The following TENM3 variants were observed in gnomAD, a reference collection of about 807,000 sequenced individuals.
TENM3 encodes teneurin-3.
TENM3 carries 63 observed loss-of-function variants against 255.1 expected under a neutral mutation model. The observed-to-expected ratio is 0.25, with a 90% CI of 0.20 to 0.30. TENM3 has a LOEUF of 0.30. Ranked by LOEUF, TENM3 falls within the 10% of genes least tolerant of loss-of-function variation. TENM3 has a pLI of 1.00. For synonymous variants in TENM3, 1,306 were observed against 1,322.3 expected (o/e 0.99, Z 0.27); for missense variants, 2,929 against 3,461.1 (o/e 0.85, Z 3.86).
the TENM3 span, among the ~76,000 whole-genome samples, chr4:182,112,272 A>G: frequency 6.6e-6 from 1 of 152,200 alleles, no homozygotes; most frequent in Non-Finnish European, 1.5e-5. Flanking sequence ...CCAACCCCAC[A>G]GATGAGCTGC....
chr4:181,893,988 G>A, the TENM3 span, among the ~76,000 whole-genome samples: 68 of 151,138 alleles, frequency 4.5e-4, no homozygotes, highest in Middle Eastern at 3.2e-3. Flanking sequence ...ATGTAGGAGG[G>A]AAAAAACAGG....
At chr4:181,471,648 G>A in the TENM3 span, among the ~76,000 whole-genome samples, 1 of 152,096 alleles carries the variant, frequency 6.6e-6, no homozygotes, top group Non-Finnish European at 1.5e-5. Context: ...ATAGGAAGAG[G>A]TACCCCATTG....
At chr4:182,767,526 C>T (rs547023293) in intron 22 of TENM3, among the ~76,000 whole-genome samples, 9 of 152,074 alleles carry the variant, frequency 5.9e-5, no homozygotes, top group Admixed American at 2.0e-4. Flanking sequence ...TTTGAGCCTA[C>T]GCAACTCTGT....
chr4:182,713,611 C>T (rs563695546), intron 12 of TENM3, among the ~76,000 whole-genome samples: 1 of 152,344 alleles, frequency 6.6e-6, no homozygotes, highest in East Asian at 1.9e-4. Context: ...TTCATATCCT[C>T]ATACCCACTT....
chr4:182,268,862 G>A (rs928304125), intron 1 of TENM3, among the ~76,000 whole-genome samples: 8 of 152,252 alleles, frequency 5.3e-5, no homozygotes, highest in Non-Finnish European at 8.8e-5. Context: ...GTAAACAGCA[G>A]CCCTCGGGGC....
chr4:181,643,894 C>T, the TENM3 span, among the ~76,000 whole-genome samples: 9 of 151,718 alleles, frequency 5.9e-5, no homozygotes, highest in East Asian at 1.9e-4. Flanking sequence ...CTGGCCAACA[C>T]GGTGAAACCT....
chr4:182,387,226 C>T (rs1039083587), intron 3 of TENM3, among the ~76,000 whole-genome samples: 1 of 152,184 alleles, frequency 6.6e-6, no homozygotes, highest in Non-Finnish European at 1.5e-5. Context: ...GGTTTGTAAA[C>T]ACACCAGTCA....
chr4:182,078,976 G>A, the TENM3 span, among the ~76,000 whole-genome samples: 35 of 152,178 alleles, frequency 2.3e-4, no homozygotes, highest in African/African-American at 8.2e-4. Flanking sequence ...TGGTCTTAAT[G>A]AATCTGAAGA....
At chr4:181,995,114 C>T in the TENM3 span, among the ~76,000 whole-genome samples, 2 of 151,930 alleles carry the variant, frequency 1.3e-5, no homozygotes, top group East Asian at 3.9e-4. Flanking sequence ...CACGGTGAAA[C>T]CCTGTCTCTA....
intron 3 of TENM3, among the ~76,000 whole-genome samples, chr4:182,507,146 A>AG (rs1736911951): frequency 1.6e-5 from 2 of 128,676 alleles, no homozygotes; most frequent in African/African-American, 5.3e-5. Context: ...GTTATCACTA[A>AG]GGAAAAAAAA....
At chr4:181,866,042 G>A in the TENM3 span, among the ~76,000 whole-genome samples, 1 of 152,088 alleles carries the variant, frequency 6.6e-6, no homozygotes, top group Non-Finnish European at 1.5e-5. Flanking sequence ...ATATTTGCAA[G>A]GGGTATGAAA....
Position 182,730,205 on chromosome 4 carries a change from C to T in TENM3, c.2591C>T (p.Ala864Val). The change falls in exon 15 of 28, where the codon GCA (alanine) becomes GTA (valine). Residue 864 changes from alanine to valine, a missense_variant. Transcript: ENST00000511685. ...TTCTTCTGCTTTTCCAACAGCCTTG[C>T]ATCTGTCATCAGAGGCCAAGTACTG... ...PGESPFNKSL[A>V]SVIRGQVLTA... 6.2e-7 allele frequency: 1 copy of T among 1,613,732 alleles called. No homozygotes were observed. Among genetic ancestry groups the T allele is most frequent in the African/African-American group, 1.3e-5 (1 of 75,036 alleles).
chr4:182,489,670 C>T (rs1472129081), intron 3 of TENM3, among the ~76,000 whole-genome samples: 1 of 152,116 alleles, frequency 6.6e-6, no homozygotes, highest in African/African-American at 2.4e-5. Flanking sequence ...TACAAATTAT[C>T]CAAAATTCTT....
chr4:182,592,801 A>G (rs1036434064), intron 3 of TENM3, among the ~76,000 whole-genome samples: 3 of 152,356 alleles, frequency 2.0e-5, no homozygotes, highest in Middle Eastern at 3.4e-3. Context: ...AAAGAGGTCA[A>G]TTTTGAAGAA....
the TENM3 span, among the ~76,000 whole-genome samples, chr4:181,836,602 C>A: frequency 6.6e-6 from 1 of 152,096 alleles, no homozygotes. Flanking sequence ...GCTACACATG[C>A]GTAACTCAGT....
At chr4:182,061,515 T>G in the TENM3 span, among the ~76,000 whole-genome samples, 2 of 152,204 alleles carry the variant, frequency 1.3e-5, no homozygotes, top group African/African-American at 4.8e-5. Flanking sequence ...TAATCCATGA[T>G]GAGGGTCTTA....
At chr4:181,864,024 A>G in the TENM3 span, among the ~76,000 whole-genome samples, 1 of 152,154 alleles carries the variant, frequency 6.6e-6, no homozygotes, top group South Asian at 2.1e-4. Flanking sequence ...TTTCATGTGA[A>G]CATGAATCAC....
At chr4:182,156,914 G>A (rs561570545) in intron 1 of TENM3, among the ~76,000 whole-genome samples, 4 of 152,222 alleles carry the variant, frequency 2.6e-5, no homozygotes, top group African/African-American at 7.2e-5. Context: ...GGGAGTTTTC[G>A]TTTCTAGTTG....
At chr4:181,780,617 CTG>C in the TENM3 span, among the ~76,000 whole-genome samples, 1 of 152,128 alleles carries the variant, frequency 6.6e-6, no homozygotes, top group African/African-American at 2.4e-5. Context: ...GTTTCTTTTG[CTG>C]TGCAGAAGTT....
Sources: gnomAD v4.1 joint callset for allele counts (sites outside exome capture counted in the v4.1 genomes callset) on GRCh38, gnomAD v4.1.1 for gene constraint, MANE v1.5 for transcripts, NCBI Gene and HGNC (gene_info 2026-07-23, HGNC 2026-07-21) for gene names.